The following ABCC4 variants were observed in gnomAD, a reference collection of about 807,000 sequenced individuals.
ABCC4 encodes ATP-binding cassette sub-family C member 4.
A neutral mutation model predicts 168.5 loss-of-function variants in ABCC4; 102 were observed. The observed-to-expected ratio is 0.61, with a 90% confidence interval of 0.52 to 0.71. ABCC4 has a LOEUF of 0.71. Among genes scored for constraint, ABCC4 ranks in the 30% least tolerant of loss-of-function variants. The pLI, the probability that ABCC4 is intolerant of heterozygous loss-of-function variation, is 0.00. For missense variants in ABCC4, 1,402 were observed against 1,605.8 expected (o/e 0.87, Z 2.17); for synonymous variants, 617 against 590.7 (o/e 1.04, Z -0.65).
chr13:95,095,613 A>G (rs1169486923), intron 20 of ABCC4, among the ~76,000 whole-genome samples: 1 of 152,160 alleles, frequency 6.6e-6, no homozygotes, highest in Non-Finnish European at 1.5e-5. Flanking sequence ...TGATGGGTGC[A>G]CCAAAATCTC....
chr13:95,052,548 T>A (rs1344862821), intron 27 of ABCC4, among the ~76,000 whole-genome samples: 1 of 152,218 alleles, frequency 6.6e-6, no homozygotes, highest in African/African-American at 2.4e-5. Flanking sequence ...CATATTAGTA[T>A]AAAACCTTAG....
At chr13:95,193,880 T>G (rs2038335653) in intron 9 of ABCC4, among the ~76,000 whole-genome samples, 1 of 152,212 alleles carries the variant, frequency 6.6e-6, no homozygotes, top group African/African-American at 2.4e-5. Flanking sequence ...TCTGGCATCA[T>G]GCAAGACCCA....
chr13:95,215,581 G>C (rs1277561311), intron 4 of ABCC4, among the ~76,000 whole-genome samples: 1 of 152,080 alleles, frequency 6.6e-6, no homozygotes, highest in Non-Finnish European at 1.5e-5. Flanking sequence ...AGGTAAAATA[G>C]TCCTTATGTT....
chr13:95,275,160 A>T lies in ABCC4; in HGVS notation c.74+26081T>A, dbSNP rs191584691. On this transcript the variant is annotated intron_variant, in intron 1 of 30. Coordinates refer to ENST00000645237, the MANE Select transcript of ABCC4 (RefSeq NM_005845.5). The stretch of plus-strand genomic sequence containing the variant: ...ACATTCTGACACAGACTTCAGCCCC[A>T]GGCCTACATCACCCTATGATCCAAA... 2.6e-5 allele frequency among the ~76,000 whole-genome samples: 4 copies of T among 152,368 alleles called. No individual in the cohort carries two copies. The East Asian group carries it at 7.7e-4, about 29-fold the overall frequency.
chr13:95,231,937 C>T (rs117147431), intron 4 of ABCC4, among the ~76,000 whole-genome samples: 1,892 of 152,226 alleles, frequency 0.012, 24 homozygotes, highest in Non-Finnish European at 0.02. Flanking sequence ...AACCGGACTT[C>T]ATGTAGGGTG....
At chr13:95,098,416 T>A (rs9590183) in intron 20 of ABCC4, among the ~76,000 whole-genome samples, 15,040 of 151,846 alleles carry the variant, frequency 0.099, 1,127 homozygotes, top group African/African-American at 0.21. Flanking sequence ...ATGAATTCAC[T>A]GGAAAAAAAA....
rs1302259823 is a variant in ABCC4 at position 95,166,427 on chromosome 13, T to C, written c.1825-60A>G. ...TGTGCAGGTGATAATGTTAACCTAA[T>C]CTAATTCTAATCCAGAAAAAGTAAC... On this transcript the variant is annotated intron_variant, in intron 14 of 30. Transcript: ENST00000645237. The C allele has an allele frequency of 5.8e-6, 8 of 1,386,674 alleles. No homozygotes were observed. In the East Asian group the frequency reaches 1.4e-4, roughly 24 times the overall value. 85.9% of individuals were successfully genotyped at this position (1,386,674 alleles called of 1,614,324 possible). A position where few individuals can be genotyped will look rare whatever the true frequency, so the allele number is the denominator to read the frequency against.
At chr13:95,062,985 AAGAGTTTCCC>A (rs1471834582) in intron 25 of ABCC4, 126 bp from the exon 26 acceptor site, 3 of 1,131,854 alleles carry the variant, frequency 2.7e-6, no homozygotes, top group Non-Finnish European at 3.7e-6. Context: ...AGTGTAGTCT[AAGAGTTTCCC>A]AACCTCAGCA....
intron 3 of ABCC4, among the ~76,000 whole-genome samples, chr13:95,246,113 C>T (rs2040098212): frequency 6.6e-6 from 1 of 152,188 alleles, no homozygotes; most frequent in Admixed American, 6.5e-5. Flanking sequence ...AGAACACTGT[C>T]TTTCTGCAGA....
At chr13:95,199,764 G>A (rs182350537) in intron 8 of ABCC4, among the ~76,000 whole-genome samples, 2 of 152,160 alleles carry the variant, frequency 1.3e-5, no homozygotes, top group African/African-American at 2.4e-5. Flanking sequence ...CATTCCCCAG[G>A]CTGCAGCCAG....
Position 95,301,289 on chromosome 13 carries a change from T to C in ABCC4, c.26A>G (p.Lys9Arg). ...GTTCGCGTCCTGCAGCGGGTTGGGC[T>C]TCACCTCCTGGTACACGGGCAGCAT... MLPVYQEV[K>R]PNPLQDANLC... is the part of the protein sequence containing the mutation. The change falls in exon 1 of 31, where the codon AAG becomes AGG. Residue 9 changes from lysine to arginine, a missense_variant. Physicochemically the swap from Lys to Arg is conservative, Grantham distance 26. Coordinates refer to ENST00000645237, the MANE Select transcript of ABCC4 (RefSeq NM_005845.5). 2 of 1,595,866 alleles carry C rather than the reference T, an allele frequency of 1.3e-6. No individual in the cohort carries two copies. Among genetic ancestry groups the C allele is most frequent in the Admixed American group, 1.7e-5 (1 of 58,184 alleles).
chr13:95,129,329 T>C (rs554222475), intron 19 of ABCC4, among the ~76,000 whole-genome samples: 16 of 152,354 alleles, frequency 1.1e-4, no homozygotes, highest in Non-Finnish European at 2.2e-4. Context: ...GCCAATCATA[T>C]TAAAGCATAA....
chr13:95,041,152 G>A (rs74107832), intron 29 of ABCC4, among the ~76,000 whole-genome samples: 2,471 of 152,304 alleles, frequency 0.016, 63 homozygotes, highest in African/African-American at 0.056. Context: ...TGTCTGTCTT[G>A]CTCTACTGTT....
chr13:95,214,737 T>C (rs922995767), intron 4 of ABCC4, among the ~76,000 whole-genome samples: 3 of 151,736 alleles, frequency 2.0e-5, no homozygotes, highest in Non-Finnish European at 4.4e-5. Flanking sequence ...AATACAAAAA[T>C]TAGCCGGGCA....
chr13:95,074,806 TTTTG>T (rs1050530932), intron 22 of ABCC4, among the ~76,000 whole-genome samples: 29 of 152,322 alleles, frequency 1.9e-4, no homozygotes, highest in East Asian at 3.9e-4. Flanking sequence ...GCATGTGGTT[TTTTG>T]TTTGTTTGTT....
intron 19 of ABCC4, 121 bp from the exon 20 acceptor site, chr13:95,116,122 G>T: frequency 1.6e-6 from 1 of 614,238 alleles, no homozygotes; most frequent in Non-Finnish European, 2.6e-6. Context: ...TTATTCATAT[G>T]AAATAAGCCG....
At position 95,032,725 on chromosome 13, in the gene ABCC4, G is replaced by A. The variant is rs576374670; in HGVS notation, c.3870+1880C>T. 5.4e-5 allele frequency among the ~76,000 whole-genome samples: 8 copies of A among 149,398 alleles called. No homozygotes were observed. The East Asian group carries it at 6.0e-4, about 11-fold the overall frequency. On this transcript the variant is annotated intron_variant, in intron 30 of 30. Transcript: ENST00000645237. ...TGTTGCCAGGCTGGAGTGCAGTGGC[G>A]CCATCTCAGCTCACTGCAACCTCCG... is the stretch of plus-strand genomic sequence containing the variant.
chr13:95,292,020 T>A (rs1483816873), intron 1 of ABCC4, among the ~76,000 whole-genome samples: 1 of 152,128 alleles, frequency 6.6e-6, no homozygotes, highest in East Asian at 1.9e-4. Flanking sequence ...ATTCAACATC[T>A]CCACTTGAAT....
chr13:95,175,655 G>C (rs1415583407), intron 13 of ABCC4, among the ~76,000 whole-genome samples: 1 of 152,172 alleles, frequency 6.6e-6, no homozygotes, highest in Non-Finnish European at 1.5e-5. Flanking sequence ...AGGCCATGAG[G>C]GTGGGCCCTA....
Sources: allele counts gnomAD v4.1 joint callset (sites outside exome capture counted in the v4.1 genomes callset), GRCh38; gene constraint gnomAD v4.1.1; transcripts MANE v1.5; gene names NCBI Gene and HGNC (gene_info 2026-07-23, HGNC 2026-07-21).